The following SDCBP2 variants were observed in gnomAD, a reference collection of about 807,000 sequenced individuals.
SDCBP2 encodes syntenin-2.
A neutral mutation model predicts 30.7 loss-of-function variants in SDCBP2; 28 were observed. The observed-to-expected ratio is 0.91, with a 90% CI of 0.68 to 1.25. The LOEUF is 1.25. SDCBP2 is among the 50% of genes most tolerant of loss of function. SDCBP2 has a pLI of 0.00. For synonymous variants in SDCBP2, 166 were observed against 157.3 expected (o/e 1.06, Z -0.41); for missense variants, 399 against 379.0 (o/e 1.05, Z -0.44).
At chr20:1,311,854 A>G (rs1371934097) in intron 7 of SDCBP2, among the ~76,000 whole-genome samples, 1 of 150,260 alleles carries the variant, frequency 6.7e-6, no homozygotes, top group East Asian at 2.0e-4. Flanking sequence ...TGTATTAAGC[A>G]CCTGCTATGT....
rs1401877118 is a variant in SDCBP2, at chr20:1,313,637, C to T, written c.226-139G>A. 1.9e-5 allele frequency: 27 copies of T among 1,397,916 alleles called. No individual in the cohort carries two copies. Among genetic ancestry groups the T allele is most frequent in the Non-Finnish European group, 2.4e-5 (26 of 1,078,706 alleles). The allele number at this position is 1,397,916 out of a possible 1,614,324, so 86.6% of individuals were successfully genotyped here. On this transcript the variant is annotated intron_variant, in intron 4 of 8. Transcript: ENST00000360779. This position sits in a 1 kb window ranked among gnomAD's most constrained non-coding sequence, Gnocchi z 5.2. The stretch of plus-strand genomic sequence containing the variant: ...CCCCACGTCCCCAGTCCACGCTTCT[C>T]CCCTAGGGGCGAGAGGAGACGTGGC...
At position 1,313,369 on chromosome 20, in the gene SDCBP2, T is replaced by C. The variant is rs767192786; in HGVS notation, c.355A>G (p.Thr119Ala). ...TCGACCTTCCGCAGCCTCAGCCCGGTCTTGCCGCGCTCGTCCTTGCACAGG... is the reference window on the plus strand; with the variant it reads ...TCGACCTTCCGCAGCCTCAGCCCGGCCTTGCCGCGCTCGTCCTTGCACAGG... Reference protein sequence around the residue: ...IHLCKDERGKTGLRLRKVDQG... With the variant: ...IHLCKDERGKAGLRLRKVDQG... The change falls in exon 5 of 9, where the codon ACC becomes GCC. Residue 119 changes from threonine to alanine, a missense_variant. Physicochemically the swap from Thr to Ala is moderately conservative, Grantham distance 58. Transcript: ENST00000360779. The surrounding 1 kb of genome is among the most constrained non-coding windows in gnomAD (Gnocchi z 5.2). The C allele has an allele frequency of 6.2e-7, 1 of 1,611,668 alleles. No individual in the cohort carries two copies. The highest frequency in any genetic ancestry group is 8.5e-7 in the Non-Finnish European group (1 of 1,179,594).
rs568817871 is a variant in SDCBP2 at position 1,310,942 on chromosome 20, A to G, written c.733-51T>C. ...ACCCTAAGGATTGGGGACCAGGGGC[A>G]ACTCTACAGGCCCCTCTGTGGAGGG... is the stretch of plus-strand genomic sequence containing the variant. On this transcript the variant is annotated intron_variant, in intron 7 of 8. Transcript: ENST00000360779. The G allele has an allele frequency of 1.6e-5, 22 of 1,351,366 alleles. No homozygotes were observed. The Admixed American group carries it at 1.9e-4, about 12-fold the overall frequency. The allele number at this position is 1,351,366 out of a possible 1,614,324, so 83.7% of individuals were successfully genotyped here. A position where few individuals can be genotyped will look rare whatever the true frequency, so the allele number is the denominator to read the frequency against.
At chr20:1,326,073 G>C (rs1335237795) in intron 1 of SDCBP2, among the ~76,000 whole-genome samples, 1 of 152,224 alleles carries the variant, frequency 6.6e-6, no homozygotes, top group East Asian at 1.9e-4. Flanking sequence ...GGGCAATCAG[G>C]AAGGTCTCCT....
intron 4 of SDCBP2, chr20:1,318,049 T>A (rs1464957893): frequency 2.0e-6 from 1 of 505,774 alleles, no homozygotes; most frequent in Non-Finnish European, 3.8e-6. Context: ...ATGACCTCCC[T>A]TCTCATCCAG....
At position 1,310,326 on chromosome 20, in the gene SDCBP2, C is replaced by T; in HGVS notation, c.*115G>A. 9.2e-7 allele frequency: 1 copy of T among 1,091,490 alleles called. No homozygotes were observed. Among genetic ancestry groups the T allele is most frequent in the Non-Finnish European group, 1.4e-6 (1 of 730,406 alleles). The allele number at this position is 1,091,490 out of a possible 1,614,324, so 67.6% of individuals were successfully genotyped here. The stretch of plus-strand genomic sequence containing the variant: ...GTCACCCTCCTGGACACGCCCCCCT[C>T]ATGGCAGCCCCCACCTTAAGCAGCA... On this transcript the variant is annotated 3_prime_UTR_variant, in exon 9 of 9. Transcript: ENST00000360779.
At chr20:1,322,881 A>C (rs2088866722) in intron 1 of SDCBP2, 2 of 152,200 alleles carry the variant, frequency 1.3e-5, no homozygotes, top group African/African-American at 2.4e-5. Flanking sequence ...TTTTGTTTTT[A>C]AAATCTGAAT....
Position 1,320,529 on chromosome 20 carries a change from T to A in SDCBP2, c.-19-94A>T. 2.1e-6 allele frequency: 2 copies of A among 956,956 alleles called. No homozygotes were observed. Among genetic ancestry groups the A allele is most frequent in the Non-Finnish European group, 3.2e-6 (2 of 622,108 alleles). The allele number at this position is 956,956 out of a possible 1,614,324, so 59.3% of individuals were successfully genotyped here. A position where few individuals can be genotyped will look rare whatever the true frequency, so the allele number is the denominator to read the frequency against. ...TCCGCAACAGCAAGCGGGTTGGAACTTAATATTCAAACAGAAAGGCAGCAG... is the reference window on the plus strand; with the variant it reads ...TCCGCAACAGCAAGCGGGTTGGAACATAATATTCAAACAGAAAGGCAGCAG... On this transcript the variant is annotated intron_variant, in intron 1 of 8. Coordinates refer to ENST00000360779, the MANE Select transcript of SDCBP2 (RefSeq NM_080489.5). This position sits in a 1 kb window ranked among gnomAD's most constrained non-coding sequence, Gnocchi z 4.7.
At chr20:1,311,030 A>G in intron 7 of SDCBP2, 139 bp from the exon 8 acceptor site, 1 of 594,136 alleles carries the variant, frequency 1.7e-6, no homozygotes, top group Non-Finnish European at 2.9e-6. Context: ...GCTGCCTCGG[A>G]CCCCGAGCCT....
In SDCBP2 at chr20:1,317,856, TG is replaced by T. The variant is rs142166161; in HGVS notation, c.225+461del. ...CGGGGACTGGTTCTACAGGTAAATA[TG>T]TTTTCAGTGGCATATATTTCTGTGA... On this transcript the variant is annotated intron_variant, in intron 4 of 8. Coordinates refer to ENST00000360779, the MANE Select transcript of SDCBP2 (RefSeq NM_080489.5). 2.3e-3 allele frequency: 749 copies of T among 321,578 alleles called. 7 individuals are homozygous for T. The highest frequency in any genetic ancestry group is 0.015 in the African/African-American group (704 of 46,268). 19.9% of individuals were successfully genotyped at this position (321,578 alleles called of 1,614,324 possible).
intron 4 of SDCBP2, among the ~76,000 whole-genome samples, chr20:1,315,319 C>A (rs994944658): frequency 6.6e-6 from 1 of 152,182 alleles, no homozygotes; most frequent in Non-Finnish European, 1.5e-5. Flanking sequence ...CAGCTGAGGT[C>A]AGGAGTTCAA....
chr20:1,319,145 C>A (rs1185850563), intron 3 of SDCBP2, among the ~76,000 whole-genome samples: 1 of 152,210 alleles, frequency 6.6e-6, no homozygotes, highest in East Asian at 1.9e-4. Context: ...GGAAGTCTGA[C>A]AAGTGTGGTA....
At chr20:1,328,483 C>T (rs868800288) in intron 1 of SDCBP2, among the ~76,000 whole-genome samples, 6 of 152,254 alleles carry the variant, frequency 3.9e-5, no homozygotes, top group South Asian at 4.1e-4. Flanking sequence ...ATACCAGGCT[C>T]GTTTTCTGCC....
chr20:1,313,644 G>A lies in SDCBP2; in HGVS notation c.226-146C>T, dbSNP rs1190848178. ...TCCCCAGTCCACGCTTCTCCCCTAG[G>A]GGCGAGAGGAGACGTGGCTCCACGC... On this transcript the variant is annotated intron_variant, in intron 4 of 8. Coordinates refer to ENST00000360779, the MANE Select transcript of SDCBP2 (RefSeq NM_080489.5). This position sits in a 1 kb window ranked among gnomAD's most constrained non-coding sequence, Gnocchi z 5.2. The A allele has an allele frequency of 7.2e-7, 1 of 1,388,642 alleles. No homozygotes were observed. The highest frequency in any genetic ancestry group is 9.3e-7 in the Non-Finnish European group (1 of 1,073,872). 86.0% of individuals were successfully genotyped at this position (1,388,642 alleles called of 1,614,324 possible). A position where few individuals can be genotyped will look rare whatever the true frequency, so the allele number is the denominator to read the frequency against.
At chr20:1,322,007 T>A (rs1000186542) in intron 1 of SDCBP2, 1 of 152,176 alleles carries the variant, frequency 6.6e-6, no homozygotes, top group Non-Finnish European at 1.5e-5. Context: ...CAAGTCCCAA[T>A]AGATATTTGT....
At position 1,313,476 on chromosome 20, in the gene SDCBP2, G is replaced by C; in HGVS notation, c.248C>G (p.Pro83Arg). ...GGTTACCGGTGCCACCATCTGGCCG[G>C]GCCCGGGGCCCGAGACCGCTGTCTG... ...GDSTAVSGPGPGQMVAPVTGY... is the reference protein window; with the variant it reads ...GDSTAVSGPGRGQMVAPVTGY... The change falls in exon 5 of 9, where the codon CCC (proline) becomes CGC (arginine). Residue 83 changes from proline to arginine, a missense_variant. By Grantham distance (103) the Pro-to-Arg change is moderately radical. Transcript: ENST00000360779. This position sits in a 1 kb window ranked among gnomAD's most constrained non-coding sequence, Gnocchi z 5.2. 2 of 1,594,022 alleles carry C rather than the reference G, an allele frequency of 1.3e-6. No homozygotes were observed. The highest frequency in any genetic ancestry group is 1.7e-6 in the Non-Finnish European group (2 of 1,173,566).
chr20:1,310,539 T>C (rs780820417), intron 8 of SDCBP2, 44 bp from the exon 9 acceptor site: 45 of 1,591,184 alleles, frequency 2.8e-5, no homozygotes, highest in Non-Finnish European at 3.3e-5. Flanking sequence ...GCTCCTTCTC[T>C]CCACCCTCCA....
In SDCBP2 at chr20:1,319,656, G is replaced by A; in HGVS notation, c.58C>T (p.Gln20Ter). 6.4e-7 allele frequency: 1 copy of A among 1,562,074 alleles called. No individual in the cohort carries two copies. The highest frequency in any genetic ancestry group is 8.7e-7 in the Non-Finnish European group (1 of 1,152,914). Residue 20 changes from glutamine (Q) to a stop codon, truncating the protein, a stop_gained, in exon 3 of 9, where the codon CAG (glutamine) becomes TAG (stop). Transcript: ENST00000360779. LOFTEE classifies it high-confidence loss of function. ...DLKVDQAIQA[Q>*]VRASPKMPAL... ...GGCATCTTGGGTGAGGCTCTGACCT[G>A]GGCCTGGGGAGGAGCAGGGAGCACT... is the stretch of plus-strand genomic sequence containing the variant.
At position 1,313,611 on chromosome 20, in the gene SDCBP2, C is replaced by T. The variant is rs2088722066; in HGVS notation, c.226-113G>A. 1 of 1,425,342 alleles carries T rather than the reference C, an allele frequency of 7.0e-7. No homozygotes were observed. Among genetic ancestry groups the T allele is most frequent in the African/African-American group, 1.4e-5 (1 of 68,970 alleles). 88.3% of individuals were successfully genotyped at this position (1,425,342 alleles called of 1,614,324 possible). On this transcript the variant is annotated intron_variant, in intron 4 of 8. Coordinates refer to ENST00000360779, the MANE Select transcript of SDCBP2 (RefSeq NM_080489.5). This position sits in a 1 kb window ranked among gnomAD's most constrained non-coding sequence, Gnocchi z 5.2. Reference sequence around the variant, plus strand: ...AGGAGGATGGAGCCGTCCCCGGGTCCCCCCACGTCCCCAGTCCACGCTTCT... The same window carrying T: ...AGGAGGATGGAGCCGTCCCCGGGTCTCCCCACGTCCCCAGTCCACGCTTCT...
Sources: gnomAD v4.1 joint callset for allele counts (sites outside exome capture counted in the v4.1 genomes callset) on GRCh38, gnomAD v4.1.1 for gene constraint, Gnocchi (gnomAD v3.1) non-coding constraint, MANE v1.5 for transcripts, NCBI Gene and HGNC (gene_info 2026-07-23, HGNC 2026-07-21) for gene names.